The following SRPK2 variants were observed in gnomAD, a reference collection of about 807,000 sequenced individuals.
The protein encoded by SRPK2 is SFRS protein kinase 2.
In SRPK2, 21 loss-of-function variants were observed where a neutral mutation model predicts 90.8. That is an observed-to-expected ratio of 0.23 (90% CI 0.16 to 0.33). SRPK2 has a LOEUF of 0.33. SRPK2 is among the 10% of genes least tolerant of loss of function. The pLI, the probability that SRPK2 is intolerant of heterozygous loss-of-function variation, is 1.00. For missense variants in SRPK2, 620 were observed against 869.0 expected (o/e 0.71, Z 3.60); for synonymous variants, 288 against 311.1 (o/e 0.93, Z 0.78).
At chr7:105,163,855 C>T (rs1244030762) in intron 6 of SRPK2, among the ~76,000 whole-genome samples, 1 of 152,046 alleles carries the variant, frequency 6.6e-6, no homozygotes, top group African/African-American at 2.4e-5. Context: ...GGACAGATGA[C>T]AGCACAAACA....
At chr7:105,172,776 A>G (rs1459144293) in intron 3 of SRPK2, among the ~76,000 whole-genome samples, 2 of 152,266 alleles carry the variant, frequency 1.3e-5, no homozygotes, top group African/African-American at 4.8e-5. Flanking sequence ...CTTAGTACAC[A>G]GAAAACATGG....
At chr7:105,352,684 G>C (rs1334474984) in intron 2 of SRPK2, among the ~76,000 whole-genome samples, 1 of 152,238 alleles carries the variant, frequency 6.6e-6, no homozygotes, top group Non-Finnish European at 1.5e-5. Flanking sequence ...CAGATTACTT[G>C]AGGTCAGGGT....
rs1325778804 is a variant in SRPK2, at chr7:105,142,190, T to C, written c.1361A>G (p.His454Arg). The change falls in exon 11 of 16, where the codon CAT becomes CGT. Residue 454 changes from histidine (H) to arginine (R), a missense_variant. This residue lies in a region of SRPK2 where 243 missense variants were observed against 245.7 expected (regional missense o/e 0.99). Coordinates refer to ENST00000393651, the MANE Select transcript of SRPK2 (RefSeq NM_182692.3). Reference protein sequence around the residue: ...QFNGELPNGRHKIPESQFPEF... With the variant: ...QFNGELPNGRRKIPESQFPEF... ...TGGGAACTGTGACTCGGGAATTTTA[T>C]GTCGTCCATTTGGCAATTCACCATT... 1 of 1,614,028 alleles carries C rather than the reference T, an allele frequency of 6.2e-7. No individual in the cohort carries two copies. The highest frequency in any genetic ancestry group is 8.5e-7 in the Non-Finnish European group (1 of 1,180,042).
chr7:105,263,911 T>C (rs1376333540), intron 2 of SRPK2, among the ~76,000 whole-genome samples: 1 of 152,174 alleles, frequency 6.6e-6, no homozygotes, highest in Non-Finnish European at 1.5e-5. Flanking sequence ...AACCACTATG[T>C]CATCTCATTA....
chr7:105,388,950 A>C, upstream of SRPK2: 4 of 1,171,148 alleles, frequency 3.4e-6, no homozygotes, highest in Non-Finnish European at 4.2e-6. Flanking sequence ...CCGCTCCAGC[A>C]GGGACCCAGC....
intron 2 of SRPK2, among the ~76,000 whole-genome samples, chr7:105,324,635 C>G (rs1295132249): frequency 6.6e-6 from 1 of 152,156 alleles, no homozygotes; most frequent in African/African-American, 2.4e-5. Context: ...GCTACCATCC[C>G]CAGCACTTTG....
intron 2 of SRPK2, among the ~76,000 whole-genome samples, chr7:105,327,381 A>ATT (rs1192358472): frequency 6.6e-6 from 1 of 152,242 alleles, no homozygotes; most frequent in Non-Finnish European, 1.5e-5. Flanking sequence ...AGAGTTAAGC[A>ATT]GTTACAACAG....
At chr7:105,199,013 G>A (rs911533075) in intron 3 of SRPK2, among the ~76,000 whole-genome samples, 2 of 152,162 alleles carry the variant, frequency 1.3e-5, no homozygotes, top group African/African-American at 4.8e-5. Flanking sequence ...AGGCAAGTAA[G>A]TACACAAGAG....
At chr7:105,170,873 AAGAAAGAAAGAAAGAAAGAAAG>A (rs1320576210) in intron 3 of SRPK2, among the ~76,000 whole-genome samples, 2 of 130,098 alleles carry the variant, frequency 1.5e-5, no homozygotes, top group African/African-American at 3.0e-5. Context: ...GAAAGAAAGA[AAGAAAGAAAGAAAGAAAGAAAG>A]AAAGAAAGAA....
intron 2 of SRPK2, among the ~76,000 whole-genome samples, chr7:105,347,920 A>C (rs1816663036): frequency 6.6e-6 from 1 of 152,052 alleles, no homozygotes; most frequent in East Asian, 1.9e-4. Context: ...ACATTAACAA[A>C]GACATCTCAA....
intron 2 of SRPK2, among the ~76,000 whole-genome samples, chr7:105,274,041 A>G (rs1806172251): frequency 6.6e-6 from 1 of 152,202 alleles, no homozygotes; most frequent in Non-Finnish European, 1.5e-5. Flanking sequence ...TCTTCTCCAG[A>G]AGATTACTGT....
intron 2 of SRPK2, among the ~76,000 whole-genome samples, chr7:105,388,422 G>A (rs960730048): frequency 1.3e-5 from 2 of 148,320 alleles, no homozygotes; most frequent in East Asian, 2.0e-4. Flanking sequence ...GAGGTCGCGG[G>A]GTCGAGGCTC....
chr7:105,301,360 G>A (rs1218253168), intron 2 of SRPK2, among the ~76,000 whole-genome samples: 1 of 151,762 alleles, frequency 6.6e-6, no homozygotes, highest in Non-Finnish European at 1.5e-5. Context: ...CGCTGCCGAG[G>A]CCAGGGGCAC....
At chr7:105,244,841 C>A in intron 2 of SRPK2, 1 of 1,076,700 alleles carries the variant, frequency 9.3e-7, no homozygotes, top group Non-Finnish European at 1.4e-6. Context: ...ACTGAAAGGT[C>A]TCCAAAGACA....
intron 2 of SRPK2, among the ~76,000 whole-genome samples, chr7:105,383,979 C>T (rs1821251473): frequency 6.6e-6 from 1 of 152,042 alleles, no homozygotes; most frequent in South Asian, 2.1e-4. Context: ...TGGAGAATAA[C>T]TGGGAAATAA....
chr7:105,205,300 A>T (rs1465826388), intron 2 of SRPK2, among the ~76,000 whole-genome samples: 1 of 152,150 alleles, frequency 6.6e-6, no homozygotes, highest in African/African-American at 2.4e-5. Context: ...AAAGGCAAAT[A>T]ATCAAAGGTA....
At chr7:105,306,325 A>G (rs1811137165) in intron 2 of SRPK2, 1 of 328,828 alleles carries the variant, frequency 3.0e-6, no homozygotes, top group Non-Finnish European at 5.9e-6. Flanking sequence ...CTGACGGATC[A>G]TCTCTGAATA....
intron 2 of SRPK2, among the ~76,000 whole-genome samples, chr7:105,237,879 G>C (rs1800328735): frequency 6.6e-6 from 1 of 152,114 alleles, no homozygotes; most frequent in South Asian, 2.1e-4. Flanking sequence ...GACTGATTTA[G>C]GGGAAAACAT....
intron 2 of SRPK2, among the ~76,000 whole-genome samples, chr7:105,345,724 C>T (rs1431409324): frequency 6.6e-6 from 1 of 152,192 alleles, no homozygotes; most frequent in African/African-American, 2.4e-5. Flanking sequence ...AAATTGGTGT[C>T]CAAAACAGAC....
Sources: allele counts gnomAD v4.1 joint callset (sites outside exome capture counted in the v4.1 genomes callset), GRCh38; gene constraint gnomAD v4.1.1; regional missense constraint gnomAD v4.1.1; transcripts MANE v1.5; gene names NCBI Gene and HGNC (gene_info 2026-07-23, HGNC 2026-07-21).